MYZAP: variants seen among roughly 807,000 people sequenced by gnomAD.
The protein encoded by MYZAP is myocardial zonula adherens protein, also known as GRINL1A complex locus upstream.
In MYZAP, 66 loss-of-function variants were observed where a neutral mutation model predicts 69.4. The observed-to-expected ratio is 0.95, with a 90% CI of 0.78 to 1.17. MYZAP has a LOEUF of 1.17. MYZAP is among the 50% of genes most tolerant of loss of function. The pLI is 0.00. For missense variants in MYZAP, 611 were observed against 556.2 expected (o/e 1.10, Z -0.99); for synonymous variants, 256 against 205.9 (o/e 1.24, Z -2.09).
At chr15:57,605,986 C>T (rs1032312682) in intron 2 of MYZAP, among the ~76,000 whole-genome samples, 3 of 151,832 alleles carry the variant, frequency 2.0e-5, no homozygotes, top group East Asian at 1.9e-4. Flanking sequence ...AGTAGAGGCA[C>T]GAGATCAGAG....
intron 10 of MYZAP, among the ~76,000 whole-genome samples, chr15:57,654,625 T>G (rs1307455182): frequency 6.6e-6 from 1 of 152,204 alleles, no homozygotes; most frequent in African/African-American, 2.4e-5. Context: ...GGAGTTATGT[T>G]TCATGAGTCT....
intron 6 of MYZAP, among the ~76,000 whole-genome samples, chr15:57,632,055 C>T (rs1459266050): frequency 1.3e-5 from 2 of 152,200 alleles, no homozygotes; most frequent in Non-Finnish European, 2.9e-5. Flanking sequence ...TTTAGGAAAG[C>T]ACAAGGGTAT....
At chr15:57,651,665 A>T (rs1216452615) in intron 10 of MYZAP, among the ~76,000 whole-genome samples, 1 of 152,228 alleles carries the variant, frequency 6.6e-6, no homozygotes, top group African/African-American at 2.4e-5. Flanking sequence ...GAAGGGAGTG[A>T]ATGAATGATG....
chr15:57,655,475 C>T (rs1039276637), intron 10 of MYZAP, among the ~76,000 whole-genome samples: 5 of 152,118 alleles, frequency 3.3e-5, no homozygotes, highest in Admixed American at 6.6e-5. Flanking sequence ...AGTCTGCATT[C>T]CTGGTACCAG....
At chr15:57,668,892 A>ATTTTTTTTTTTTTTTT (rs1424393924) in intron 11 of MYZAP, among the ~76,000 whole-genome samples, 1 of 58,746 alleles carries the variant, frequency 1.7e-5, no homozygotes, top group African/African-American at 5.0e-5. Context: ...ATATATATAT[A>ATTTTTTTTTTTTTTTT]TATTTTTTTT....
chr15:57,619,270 G>T (rs182110859), intron 3 of MYZAP, among the ~76,000 whole-genome samples: 137 of 152,266 alleles, frequency 9.0e-4, no homozygotes, highest in African/African-American at 3.0e-3. Context: ...AGCAAAATTA[G>T]CACGCATATA....
intron 1 of MYZAP, among the ~76,000 whole-genome samples, chr15:57,595,503 G>A (rs527832870): frequency 6.6e-6 from 1 of 152,220 alleles, no homozygotes; most frequent in South Asian, 2.1e-4. Context: ...TGAAATGGAA[G>A]GTTGGTTGTG....
In MYZAP at chr15:57,675,053, G is replaced by C. The variant is rs748951093; in HGVS notation, c.1289G>C (p.Cys430Ser). Reference protein sequence around the residue: ...EVETREIGVGCDLLPSQTGRT... With the variant: ...EVETREIGVGSDLLPSQTGRT... ...GAAACCAGAGAGATAGGAGTGGGCT[G>C]TGATCTTCTACCCAGGTATTTAGGA... The change falls in exon 12 of 13, where the codon TGT becomes TCT. Residue 430 changes from cysteine to serine, a missense_variant. Cys to Ser is a moderately radical substitution (Grantham distance 112). Coordinates refer to ENST00000267853, the MANE Select transcript of MYZAP (RefSeq NM_001018100.5). 1.2e-6 allele frequency: 2 copies of C among 1,611,812 alleles called. No homozygotes were observed.
intron 8 of MYZAP, among the ~76,000 whole-genome samples, chr15:57,634,098 G>A (rs2036671672): frequency 6.6e-6 from 1 of 152,160 alleles, no homozygotes; most frequent in Non-Finnish European, 1.5e-5. Context: ...TGGGGCATGT[G>A]TCTCAAGGGT....
At position 57,615,410 on chromosome 15, in the gene MYZAP, G is replaced by A. The variant is rs151066712; in HGVS notation, c.163-2623G>A. 2.2e-4 allele frequency among the ~76,000 whole-genome samples: 34 copies of A among 152,280 alleles called. No homozygotes were observed. In the East Asian group the frequency reaches 6.6e-3, roughly 29 times the overall value. ...TCGGGAGTGTTCCACAGACTTCATT[G>A]TTCCTGGCATTGCTTGTGTTTTCCC... On this transcript the variant is annotated intron_variant, in intron 2 of 12. Transcript: ENST00000267853.
At chr15:57,663,765 G>A (rs1164284011) in intron 11 of MYZAP, among the ~76,000 whole-genome samples, 3 of 152,160 alleles carry the variant, frequency 2.0e-5, no homozygotes, top group Non-Finnish European at 1.5e-5. Flanking sequence ...GGATGTAGCG[G>A]GGTGGGTGGC....
intron 5 of MYZAP, among the ~76,000 whole-genome samples, chr15:57,628,608 G>A (rs1461306699): frequency 6.6e-6 from 1 of 152,080 alleles, no homozygotes; most frequent in Admixed American, 6.5e-5. Context: ...AAAATTACTT[G>A]TGCGGCTTGG....
chr15:57,666,156 A>T (rs2038559768), intron 11 of MYZAP, among the ~76,000 whole-genome samples: 1 of 152,220 alleles, frequency 6.6e-6, no homozygotes, highest in Non-Finnish European at 1.5e-5. Context: ...TCTGTGCATG[A>T]CCTTGGGCAA....
chr15:57,637,675 T>C lies in MYZAP; in HGVS notation c.934-20T>C, dbSNP rs1434395225. ...AACTTGGGATCCATTGATTAAAATA[T>C]CAGTTTCTGTTTGTTTTAGGAACGT... On this transcript the variant is annotated intron_variant, in intron 8 of 12. Transcript: ENST00000267853. The C allele has an allele frequency of 3.1e-6, 5 of 1,609,362 alleles. No individual in the cohort carries two copies. The highest frequency in any genetic ancestry group is 1.3e-5 in the African/African-American group (1 of 74,980).
chr15:57,618,043 T>G lies in MYZAP; in HGVS notation c.173T>G (p.Leu58Arg). 1 of 1,612,494 alleles carries G rather than the reference T, an allele frequency of 6.2e-7. No individual in the cohort carries two copies. The highest frequency in any genetic ancestry group is 8.5e-7 in the Non-Finnish European group (1 of 1,179,668). Reference protein sequence around the residue: ...KIERKEQLLDLSNGEPTRKLP... With the variant: ...KIERKEQLLDRSNGEPTRKLP... ...CCTACTTTCTTTTAGCTTCTTGACC[T>G]GAGCAATGGAGAACCTACCAGGAAA... Residue 58 changes from leucine (L) to arginine (R), a missense_variant, in exon 3 of 13, where the codon CTG becomes CGG. Physicochemically the swap from Leu to Arg is moderately radical, Grantham distance 102. Transcript: ENST00000267853.
intron 12 of MYZAP, among the ~76,000 whole-genome samples, chr15:57,678,893 G>C (rs950279217): frequency 1.1e-4 from 16 of 151,710 alleles, no homozygotes; most frequent in African/African-American, 3.9e-4. Context: ...ATTGCATTTA[G>C]TTGCCGGGTG....
At position 57,604,335 on chromosome 15, in the gene MYZAP, A is replaced by C. The variant is rs1434560215; in HGVS notation, c.142A>C (p.Lys48Gln). 1 of 1,614,110 alleles carries C rather than the reference A, an allele frequency of 6.2e-7. No homozygotes were observed. ...ESPVPEQCEK[K>Q]IERKEQLLDL... ...TCCAGTTCCTGAGCAATGTGAAAAG[A>C]AGATTGAGAGAAAAGAGCAGGTAAG... is the stretch of plus-strand genomic sequence containing the variant. The change falls in exon 2 of 13, where the codon AAG (lysine) becomes CAG (glutamine). Residue 48 changes from lysine to glutamine, a missense_variant. Transcript: ENST00000267853.
intron 1 of MYZAP, among the ~76,000 whole-genome samples, chr15:57,603,438 A>G (rs1263264188): frequency 6.6e-6 from 1 of 151,972 alleles, no homozygotes; most frequent in East Asian, 1.9e-4. Flanking sequence ...TATCTCGAGG[A>G]TTTTTTTCAT....
chr15:57,593,295 T>A (rs2140303361), intron 1 of MYZAP, among the ~76,000 whole-genome samples: 1 of 152,108 alleles, frequency 6.6e-6, no homozygotes, highest in East Asian at 1.9e-4. Flanking sequence ...GAGTAAGATC[T>A]ACATTGGGTC....
Sources: gnomAD v4.1 joint callset for allele counts (sites outside exome capture counted in the v4.1 genomes callset) on GRCh38, gnomAD v4.1.1 for gene constraint, MANE v1.5 for transcripts, NCBI Gene and HGNC (gene_info 2026-07-23, HGNC 2026-07-21) for gene names.